MAPKAPK5: variants seen among roughly 807,000 people sequenced by gnomAD.
The protein encoded by MAPKAPK5 is MAP kinase-activated protein kinase 5.
In MAPKAPK5, 30 loss-of-function variants were observed where a neutral mutation model predicts 65.1. That is an observed-to-expected ratio of 0.46 (90% confidence interval 0.34 to 0.63). The LOEUF (loss-of-function observed/expected upper bound fraction) is 0.63. Ranked by LOEUF, MAPKAPK5 falls within the 20% of genes least tolerant of loss-of-function variation. The pLI, the probability that MAPKAPK5 is intolerant of heterozygous loss-of-function variation, is 0.01. For synonymous variants in MAPKAPK5, 179 were observed against 204.6 expected (o/e 0.87, Z 1.07); for missense variants, 433 against 581.4 (o/e 0.74, Z 2.63).
At chr12:111,844,038 G>T (rs904474113) in intron 1 of MAPKAPK5, among the ~76,000 whole-genome samples, 1 of 152,122 alleles carries the variant, frequency 6.6e-6, no homozygotes, top group African/African-American at 2.4e-5. Flanking sequence ...TAGCCAGGAT[G>T]GGCTCGATCT....
chr12:111,878,267 T>C (rs1191184801), intron 7 of MAPKAPK5, among the ~76,000 whole-genome samples: 50 of 152,088 alleles, frequency 3.3e-4, no homozygotes, highest in Admixed American at 3.3e-3. Flanking sequence ...CTAGAAGTTT[T>C]ATATAGTGTT....
Position 111,890,156 on chromosome 12 carries a change from C to T in MAPKAPK5, c.1321+12C>T, listed in dbSNP as rs779087995. Reference sequence around the variant, plus strand: ...CTTCAGCTGGAATGGTAGGAGCCTTCATCAACTCCCTTCCCCAGGAATGCA... The same window carrying T: ...CTTCAGCTGGAATGGTAGGAGCCTTTATCAACTCCCTTCCCCAGGAATGCA... On this transcript the variant is annotated intron_variant, in intron 13 of 13. Transcript: ENST00000550735. 6 of 1,533,114 alleles carry T rather than the reference C, an allele frequency of 3.9e-6. No individual in the cohort carries two copies. The highest frequency in any genetic ancestry group is 4.5e-6 in the Non-Finnish European group (5 of 1,121,350). The allele number at this position is 1,533,114 out of a possible 1,614,324, so 95.0% of individuals were successfully genotyped here.
intron 7 of MAPKAPK5, among the ~76,000 whole-genome samples, chr12:111,878,556 A>AT (rs1415266431): frequency 6.6e-6 from 1 of 151,898 alleles, no homozygotes; most frequent in Non-Finnish European, 1.5e-5. Context: ...AGTAGCAGGG[A>AT]TTACAGGCAC....
At position 111,891,064 on chromosome 12, in the gene MAPKAPK5, T is replaced by C. The variant is rs114900150; in HGVS notation, c.1321+920T>C. Among the ~76,000 whole-genome samples, 1,090 of 152,186 alleles carry C rather than the reference T, an allele frequency of 7.2e-3. 13 individuals are homozygous for C. Among genetic ancestry groups the C allele is most frequent in the African/African-American group, 0.025 (1,051 of 41,530 alleles). On this transcript the variant is annotated intron_variant, in intron 13 of 13. Coordinates refer to ENST00000550735, the MANE Select transcript of MAPKAPK5 (RefSeq NM_003668.4). ...ACTGAAGATTTCAATGCCTCACTTG[T>C]TTCCGCGTTTTTTTGTTGTTGTTGT...
chr12:111,842,552 A>G lies in MAPKAPK5; in HGVS notation c.-182A>G. The G allele has an allele frequency of 2.7e-6, 1 of 375,610 alleles. No individual in the cohort carries two copies. The highest frequency in any genetic ancestry group is 4.0e-5 in the East Asian group (1 of 24,986). The allele number at this position is 375,610 out of a possible 1,614,324, so 23.3% of individuals were successfully genotyped here. ...GCCGCTGCTGCTGCCGCCAGCCTAG[A>G]GCCGCCCGCCGAAGCAGAGCCGGCG... is the stretch of plus-strand genomic sequence containing the variant. On this transcript the variant is annotated 5_prime_UTR_variant, in exon 1 of 14. Transcript: ENST00000550735.
intron 13 of MAPKAPK5, 71 bp downstream of exon 13, chr12:111,890,215 C>T: frequency 8.7e-7 from 1 of 1,152,270 alleles, no homozygotes; most frequent in East Asian, 2.6e-5. Context: ...TATAGGATCT[C>T]TTTGGGGCCT....
rs1448842907 is a variant in MAPKAPK5 at position 111,894,659 on chromosome 12, A to G, written c.*1598A>G. The G allele has an allele frequency of 1.3e-5, 2 of 151,688 alleles. No homozygotes were observed. Among genetic ancestry groups the G allele is most frequent in the African/African-American group, 4.9e-5 (2 of 41,214 alleles). 9.4% of individuals were successfully genotyped at this position (151,688 alleles called of 1,614,324 possible). A position where few individuals can be genotyped will look rare whatever the true frequency, so the allele number is the denominator to read the frequency against. Reference sequence around the variant, plus strand: ...TTATTACCCTTCATTTTCAGGAAGCATGGTTTTGGCCCCGAGAGCAGCTGT... The same window carrying G: ...TTATTACCCTTCATTTTCAGGAAGCGTGGTTTTGGCCCCGAGAGCAGCTGT... On this transcript the variant is annotated 3_prime_UTR_variant, in exon 14 of 14. Transcript: ENST00000550735.
intron 1 of MAPKAPK5, among the ~76,000 whole-genome samples, chr12:111,858,419 A>C (rs1334658719): frequency 6.6e-6 from 1 of 151,182 alleles, no homozygotes; most frequent in African/African-American, 2.4e-5. Context: ...GCTTGACATT[A>C]TTCTACAGGT....
At chr12:111,852,679 A>G (rs2069122006) in intron 1 of MAPKAPK5, among the ~76,000 whole-genome samples, 1 of 152,170 alleles carries the variant, frequency 6.6e-6, no homozygotes, top group African/African-American at 2.4e-5. Flanking sequence ...CTATTAACGT[A>G]GTAGAGCTTT....
At chr12:111,873,406 C>T (rs568887112) in intron 7 of MAPKAPK5, among the ~76,000 whole-genome samples, 3 of 152,198 alleles carry the variant, frequency 2.0e-5, no homozygotes, top group East Asian at 1.9e-4. Context: ...TGCAATGGCG[C>T]GATCTCGACT....
Position 111,883,470 on chromosome 12 carries a change from C to G in MAPKAPK5, c.661-111C>G, listed in dbSNP as rs927294103. ...CTTTCCTAGTCTCTGTTAAGTGACT[C>G]TAGTTTATATCAGCCTATATATTGC... On this transcript the variant is annotated intron_variant, in intron 8 of 13. Coordinates refer to ENST00000550735, the MANE Select transcript of MAPKAPK5 (RefSeq NM_003668.4). The surrounding 1 kb of genome is among the most constrained non-coding windows in gnomAD (Gnocchi z 4.8). 1.2e-6 allele frequency: 1 copy of G among 827,104 alleles called. No individual in the cohort carries two copies. Among genetic ancestry groups the G allele is most frequent in the Admixed American group, 2.4e-5 (1 of 42,110 alleles). The allele number at this position is 827,104 out of a possible 1,614,324, so 51.2% of individuals were successfully genotyped here. A position where few individuals can be genotyped will look rare whatever the true frequency, so the allele number is the denominator to read the frequency against.
intron 7 of MAPKAPK5, chr12:111,880,221 G>T (rs1319332614): frequency 5.6e-6 from 3 of 537,394 alleles, no homozygotes; most frequent in Non-Finnish European, 1.0e-5. Flanking sequence ...TCTCCTCTAG[G>T]AACTTCATCT....
chr12:111,859,500 C>T (rs931671266), intron 1 of MAPKAPK5, among the ~76,000 whole-genome samples: 11 of 152,098 alleles, frequency 7.2e-5, no homozygotes, highest in South Asian at 2.1e-4. Flanking sequence ...CTCTTGACCT[C>T]GTGATCCTCC....
intron 1 of MAPKAPK5, among the ~76,000 whole-genome samples, chr12:111,849,780 G>A (rs773629048): frequency 3.3e-5 from 5 of 152,100 alleles, no homozygotes; most frequent in East Asian, 1.9e-4. Flanking sequence ...GTAGTGATGC[G>A]ATCACAGTTC....
chr12:111,864,528 GAATT>G lies in MAPKAPK5; in HGVS notation c.37-711_37-708del, dbSNP rs758908720. On this transcript the variant is annotated intron_variant, in intron 1 of 13. Coordinates refer to ENST00000550735, the MANE Select transcript of MAPKAPK5 (RefSeq NM_003668.4). ...TCTTATAATAAATAAGTGAGTGAAT[GAATT>G]AATTAATTAAATTCTTTTTTATCTA... Among the ~76,000 whole-genome samples, 28 of 152,222 alleles carry G rather than the reference GAATT, an allele frequency of 1.8e-4. No individual in the cohort carries two copies. In the East Asian group the frequency reaches 1.9e-3, roughly 10 times the overall value.
intron 13 of MAPKAPK5, among the ~76,000 whole-genome samples, chr12:111,891,421 C>T (rs2070603729): frequency 6.6e-6 from 1 of 151,704 alleles, no homozygotes; most frequent in Non-Finnish European, 1.5e-5. Flanking sequence ...GTTTCTTAGA[C>T]ATGCCATAAG....
chr12:111,850,568 G>A (rs2069047730), intron 1 of MAPKAPK5, among the ~76,000 whole-genome samples: 1 of 152,178 alleles, frequency 6.6e-6, no homozygotes. Context: ...TGACCAAGAG[G>A]CGGCAAACAA....
At chr12:111,842,871 A>T (rs1240317662) in intron 1 of MAPKAPK5, 102 bp downstream of exon 1, 1 of 1,156,164 alleles carries the variant, frequency 8.6e-7, no homozygotes, top group East Asian at 3.2e-5. Context: ...GGTTCCATCG[A>T]CTACCGGGTT....
chr12:111,847,214 G>A (rs991649409), intron 1 of MAPKAPK5, among the ~76,000 whole-genome samples: 2 of 151,944 alleles, frequency 1.3e-5, no homozygotes, highest in Non-Finnish European at 2.9e-5. Flanking sequence ...TGGGTGTGGT[G>A]GCAGGTGTCT....
Sources: gnomAD v4.1 joint callset for allele counts (sites outside exome capture counted in the v4.1 genomes callset) on GRCh38, gnomAD v4.1.1 for gene constraint, Gnocchi (gnomAD v3.1) non-coding constraint, MANE v1.5 for transcripts, NCBI Gene and HGNC (gene_info 2026-07-23, HGNC 2026-07-21) for gene names.